The following HEATR5B variants were observed in gnomAD, a reference collection of about 807,000 sequenced individuals.
HEATR5B encodes the protein HEAT repeat containing 5B.
Under a neutral mutation model 224.1 loss-of-function variants are expected in HEATR5B, and 156 were observed. The ratio of observed to expected loss-of-function variants is 0.70; its 90% CI spans 0.61 to 0.80. The LOEUF is 0.80. Among genes scored for constraint, HEATR5B ranks in the 30% least tolerant of loss-of-function variants. The probability of loss-of-function intolerance (pLI) is 0.00; values close to 1 mark genes in which losing one functional copy is unlikely to be tolerated. For missense variants in HEATR5B, 2,323 were observed against 2,535.5 expected, an observed-to-expected ratio of 0.92 and a Z score of 1.80; for synonymous variants, 1,027 against 893.0, an observed-to-expected ratio of 1.15 and a Z score of -2.68.
At chr2:37,060,513 TTTC>T in intron 12 of HEATR5B, 65 bp downstream of exon 12, 1 of 1,332,428 alleles carries the variant, frequency 7.5e-7, no homozygotes. Flanking sequence ...AATAGTGATT[TTTC>T]TTTTACTTTA....
rs1048165168 is a variant in HEATR5B, at chr2:37,002,549, C to A, written c.5074G>T (p.Ala1692Ser). The A allele has an allele frequency of 2.5e-6, 4 of 1,613,998 alleles. No homozygotes were observed. Among genetic ancestry groups the A allele is most frequent in the Middle Eastern group, 1.6e-4 (1 of 6,062 alleles). ...TLNEDDMEKE[A>S]CTVLGEGGDS... ...CCTCCTTCTCCCAATACGGTACAGG[C>A]CTCTTTTTCCATATCATCTTCATCT... The change falls in exon 32 of 36, where the codon GCC (alanine) becomes TCC (serine). Residue 1692 changes from alanine to serine, a missense_variant. By Grantham distance (99) the Ala-to-Ser change is moderately conservative (BLOSUM62 1). Transcript: ENST00000233099.
At chr2:37,000,458 A>T in intron 33 of HEATR5B, 128 bp downstream of exon 33, 1 of 693,422 alleles carries the variant, frequency 1.4e-6, no homozygotes, top group Non-Finnish European at 2.5e-6. Flanking sequence ...TCTGAAAGAT[A>T]TGACTAACAT....
At chr2:37,012,813 C>T (rs574134394) in intron 27 of HEATR5B, among the ~76,000 whole-genome samples, 8 of 152,326 alleles carry the variant, frequency 5.3e-5, no homozygotes, top group South Asian at 4.1e-4. Flanking sequence ...CTCCTCCTAT[C>T]CTCCATGTTT....
intron 28 of HEATR5B, 85 bp downstream of exon 28, chr2:37,008,526 T>C (rs1667573636): frequency 1.1e-6 from 1 of 902,904 alleles, no homozygotes; most frequent in African/African-American, 1.6e-5. Flanking sequence ...CTATAGCAAC[T>C]GTTGTTGCTA....
intron 18 of HEATR5B, among the ~76,000 whole-genome samples, chr2:37,042,035 CT>C (rs1236722466): frequency 2.0e-4 from 30 of 151,932 alleles, no homozygotes; most frequent in African/African-American, 7.2e-4. Flanking sequence ...AAAGGCCAAT[CT>C]TTTTTCTTTG....
chr2:37,056,095 G>C (rs1240325467), intron 16 of HEATR5B, among the ~76,000 whole-genome samples: 4 of 151,828 alleles, frequency 2.6e-5, no homozygotes, highest in African/African-American at 9.7e-5. Flanking sequence ...CAAAACCTAT[G>C]TATGAACTAT....
At position 37,005,733 on chromosome 2, in the gene HEATR5B, G is replaced by C. The variant is rs1426707890; in HGVS notation, c.4804C>G (p.Pro1602Ala). Residue 1602 changes from proline to alanine, a missense_variant, in exon 30 of 36, where the codon CCT becomes GCT. Transcript: ENST00000233099. Reference protein sequence around the residue: ...LGVSIQFLCSPRPEEPIEHVT... With the variant: ...LGVSIQFLCSARPEEPIEHVT... ...TGTTCAATGGGCTCCTCAGGTCTAG[G>C]GGAACAAAGAAACTGTATACTCACA... 6.3e-7 allele frequency: 1 copy of C among 1,598,132 alleles called. No homozygotes were observed. Among genetic ancestry groups the C allele is most frequent in the Non-Finnish European group, 8.5e-7 (1 of 1,175,372 alleles).
chr2:37,000,575 TG>T lies in HEATR5B; in HGVS notation c.5545+10del. On this transcript the variant is annotated intron_variant, in intron 33 of 35. Transcript: ENST00000233099. ...CCTAACTAACTAAAACGTTTAAAAC[TG>T]ATAGGTTACCTGGTTGAGAATATTC... 4.3e-6 allele frequency: 7 copies of T among 1,610,560 alleles called. No homozygotes were observed. Among genetic ancestry groups the T allele is most frequent in the Non-Finnish European group, 5.9e-6 (7 of 1,176,788 alleles).
chr2:37,035,236 T>A (rs1200903182), intron 21 of HEATR5B, among the ~76,000 whole-genome samples: 1 of 152,240 alleles, frequency 6.6e-6, no homozygotes, highest in Non-Finnish European at 1.5e-5. Flanking sequence ...TCAGGTGTAC[T>A]TTTCCTTTTC....
At chr2:37,066,693 T>C (rs1176959242) in intron 8 of HEATR5B, among the ~76,000 whole-genome samples, 1 of 152,128 alleles carries the variant, frequency 6.6e-6, no homozygotes, top group Non-Finnish European at 1.5e-5. Flanking sequence ...ATACGTATCA[T>C]TATATTTAAT....
At chr2:37,067,311 G>A (rs1390179598) in intron 8 of HEATR5B, among the ~76,000 whole-genome samples, 1 of 152,138 alleles carries the variant, frequency 6.6e-6, no homozygotes, top group Non-Finnish European at 1.5e-5. Context: ...TTGACGCGGT[G>A]TTTCTGGCAC....
intron 6 of HEATR5B, 145 bp from the exon 7 acceptor site, chr2:37,070,532 T>C (rs1671844853): frequency 7.5e-6 from 5 of 663,002 alleles, no homozygotes; most frequent in East Asian, 2.8e-5. Context: ...AAATTTTCAA[T>C]GTACTTGTAA....
In HEATR5B at chr2:37,056,576, G is replaced by A; in HGVS notation, c.2263C>T (p.His755Tyr). 6.2e-7 allele frequency: 1 copy of A among 1,610,602 alleles called. No homozygotes were observed. The highest frequency in any genetic ancestry group is 8.5e-7 in the Non-Finnish European group (1 of 1,178,364). ...CGTAAATAAATAGAGGAAGGATCATGCTCCAGAGCCCCACTTCCAGAGGCA... is the reference window on the plus strand; with the variant it reads ...CGTAAATAAATAGAGGAAGGATCATACTCCAGAGCCCCACTTCCAGAGGCA... ...NSASGSGALEHDPSSIYLRIP... is the reference protein window; with the variant it reads ...NSASGSGALEYDPSSIYLRIP... Residue 755 changes from histidine (H) to tyrosine (Y), a missense_variant, in exon 16 of 36, where the codon CAT becomes TAT. By Grantham distance (83) the His-to-Tyr change is moderately conservative. Coordinates refer to ENST00000233099, the MANE Select transcript of HEATR5B (RefSeq NM_019024.3).
chr2:37,069,121 C>T (rs531456293), intron 7 of HEATR5B, among the ~76,000 whole-genome samples, 191 bp from the exon 8 acceptor site: 2 of 152,124 alleles, frequency 1.3e-5, no homozygotes, highest in Admixed American at 1.3e-4. Flanking sequence ...GTATCTTTGA[C>T]CAAAAAACAG....
At chr2:36,984,916 G>A (rs1013030869) in intron 35 of HEATR5B, among the ~76,000 whole-genome samples, 2 of 152,122 alleles carry the variant, frequency 1.3e-5, no homozygotes, top group African/African-American at 4.8e-5. Context: ...GAAACCTAGA[G>A]AAATTTCAGA....
intron 5 of HEATR5B, among the ~76,000 whole-genome samples, chr2:37,074,617 G>A (rs1164449533): frequency 6.6e-6 from 1 of 152,046 alleles, no homozygotes; most frequent in African/African-American, 2.4e-5. Context: ...TAAAGAGACA[G>A]GCCACCCATT....
At position 37,008,709 on chromosome 2, in the gene HEATR5B, G is replaced by A. The variant is rs1239428076; in HGVS notation, c.4424C>T (p.Pro1475Leu). Residue 1475 changes from proline to leucine, a missense_variant, in exon 28 of 36, where the codon CCT becomes CTT. This residue lies in a region of HEATR5B where 844 missense variants were observed against 812.9 expected (regional missense o/e 1.04). Coordinates refer to ENST00000233099, the MANE Select transcript of HEATR5B (RefSeq NM_019024.3). Reference protein sequence around the residue: ...PPDSLITLVQPELPTLSRLWL... With the variant: ...PPDSLITLVQLELPTLSRLWL... ...CAGGCGACTGAGTGTTGGTAGTTCA[G>A]GTTGTACCAGTGTTATTAAACTATC... The A allele has an allele frequency of 6.2e-7, 1 of 1,614,102 alleles. No individual in the cohort carries two copies. Among genetic ancestry groups the A allele is most frequent in the Admixed American group, 1.7e-5 (1 of 60,020 alleles).
At chr2:37,073,575 TA>T (rs1427436642) in intron 5 of HEATR5B, among the ~76,000 whole-genome samples, 1 of 152,192 alleles carries the variant, frequency 6.6e-6, no homozygotes, top group Non-Finnish European at 1.5e-5. Context: ...TTCATGATTT[TA>T]GTCATATTTC....
At position 37,040,466 on chromosome 2, in the gene HEATR5B, T is replaced by C. The variant is rs1669800710; in HGVS notation, c.2909A>G (p.Tyr970Cys). The change falls in exon 20 of 36, where the codon TAT becomes TGT. Residue 970 changes from tyrosine to cysteine, a missense_variant. Physicochemically the swap from Tyr to Cys is radical, Grantham distance 194 (BLOSUM62 -2). Coordinates refer to ENST00000233099, the MANE Select transcript of HEATR5B (RefSeq NM_019024.3). Reference sequence around the variant, plus strand: ...TAATGTTGGTTCCACATAGCCACGATACATCGGACCACTAGAATCCACTAT... The same window carrying C: ...TAATGTTGGTTCCACATAGCCACGACACATCGGACCACTAGAATCCACTAT... ...ALIVDSSGPMYRGYVEPTLSL... is the reference protein window; with the variant it reads ...ALIVDSSGPMCRGYVEPTLSL... 1 of 1,613,970 alleles carries C rather than the reference T, an allele frequency of 6.2e-7. No individual in the cohort carries two copies. The highest frequency in any genetic ancestry group is 8.5e-7 in the Non-Finnish European group (1 of 1,179,932).
Sources: allele counts gnomAD v4.1 joint callset (sites outside exome capture counted in the v4.1 genomes callset), GRCh38; gene constraint gnomAD v4.1.1; regional missense constraint gnomAD v4.1.1; transcripts MANE v1.5; gene names NCBI Gene and HGNC (gene_info 2026-07-23, HGNC 2026-07-21).